Variants in CFTR observed in about 807,000 individuals in gnomAD.
The protein encoded by CFTR is cystic fibrosis transmembrane conductance regulator.
CFTR carries 181 observed loss-of-function variants against 171.6 expected under a neutral mutation model. That is an observed-to-expected ratio of 1.05 (90% CI 0.93 to 1.19). CFTR has a LOEUF of 1.19. CFTR is among the 50% of genes most tolerant of loss of function. CFTR has a pLI of 0.00. For missense variants in CFTR, 1,968 were observed against 1,734.7 expected (o/e 1.13, Z -2.39); for synonymous variants, 583 against 608.0 (o/e 0.96, Z 0.60).
chr7:117,601,085 C>G (rs1164403106), intron 15 of CFTR, among the ~76,000 whole-genome samples: 1 of 151,934 alleles, frequency 6.6e-6, no homozygotes, highest in Non-Finnish European at 1.5e-5. Context: ...TACTCACCTT[C>G]AAAGAATGTT....
At chr7:117,589,361 T>A (rs138368177) in intron 12 of CFTR, among the ~76,000 whole-genome samples, 12 of 152,154 alleles carry the variant, frequency 7.9e-5, no homozygotes, top group Admixed American at 5.2e-4. Flanking sequence ...AAAAAATTTT[T>A]AAATTGGCTT....
chr7:117,643,465 TG>T (rs1464144918), intron 23 of CFTR, among the ~76,000 whole-genome samples: 5 of 152,128 alleles, frequency 3.3e-5, no homozygotes, highest in Admixed American at 1.3e-4. Context: ...AAAAAAAGCT[TG>T]TATTTCTTAA....
chr7:117,588,109 T>C (rs570673631), intron 12 of CFTR, among the ~76,000 whole-genome samples: 3 of 152,188 alleles, frequency 2.0e-5, no homozygotes, highest in Non-Finnish European at 2.9e-5. Context: ...AATGGAAAAC[T>C]CTAGGATTCT....
At chr7:117,608,107 G>T (rs1391484296) in intron 18 of CFTR, among the ~76,000 whole-genome samples, 3 of 152,066 alleles carry the variant, frequency 2.0e-5, no homozygotes, top group Non-Finnish European at 4.4e-5. Context: ...TCCTCTGGAA[G>T]GGTTAATTTT....
Position 117,504,237 on chromosome 7 carries a change from C to G in CFTR, c.54-16C>G, listed in dbSNP as rs1257994416. Reference sequence around the variant, plus strand: ...CCAAATCAAGTGAATATCTGTTCCTCCTCTCTTTATTTTAGCTGGACCAGA... The same window carrying G: ...CCAAATCAAGTGAATATCTGTTCCTGCTCTCTTTATTTTAGCTGGACCAGA... On this transcript the variant is annotated splice_polypyrimidine_tract_variant and intron_variant, in intron 1 of 26. Transcript: ENST00000003084. 6.9e-7 allele frequency: 1 copy of G among 1,449,430 alleles called. No individual in the cohort carries two copies. Among genetic ancestry groups the G allele is most frequent in the East Asian group, 2.3e-5 (1 of 44,020 alleles). The allele number at this position is 1,449,430 out of a possible 1,614,324, so 89.8% of individuals were successfully genotyped here.
At chr7:117,581,104 G>A (rs1247530883) in intron 11 of CFTR, among the ~76,000 whole-genome samples, 1 of 152,068 alleles carries the variant, frequency 6.6e-6, no homozygotes, top group African/African-American at 2.4e-5. Flanking sequence ...AAATTAATTG[G>A]TCATCTCTAG....
intron 4 of CFTR, 76 bp downstream of exon 4, chr7:117,531,190 T>C (rs1798860284): frequency 9.6e-6 from 11 of 1,146,852 alleles, no homozygotes; most frequent in Non-Finnish European, 1.4e-5. Context: ...AATTAGGTAG[T>C]GAGCTGGTAC....
intron 23 of CFTR, among the ~76,000 whole-genome samples, chr7:117,650,539 A>G (rs1230304727): frequency 6.6e-6 from 1 of 152,000 alleles, no homozygotes; most frequent in Non-Finnish European, 1.5e-5. Flanking sequence ...GCCTTTCATA[A>G]CTCTGTGTCA....
At chr7:117,572,063 A>G (rs1212542739) in intron 11 of CFTR, among the ~76,000 whole-genome samples, 1 of 152,002 alleles carries the variant, frequency 6.6e-6, no homozygotes, top group Non-Finnish European at 1.5e-5. Context: ...GTGCAGTGGC[A>G]TGATCTTGGC....
At chr7:117,564,508 A>T (rs945434031) in intron 11 of CFTR, 1 of 157,946 alleles carries the variant, frequency 6.3e-6, no homozygotes, top group African/African-American at 2.4e-5. Context: ...AGAACTTGAA[A>T]TACCTACAGA....
intron 1 of CFTR, among the ~76,000 whole-genome samples, chr7:117,496,608 C>G (rs1798244576): frequency 6.6e-6 from 1 of 152,154 alleles, no homozygotes; most frequent in Admixed American, 6.5e-5. Context: ...TAATTCTTGT[C>G]TATTATAAAT....
intron 24 of CFTR, among the ~76,000 whole-genome samples, chr7:117,663,509 TAA>T (rs71148372): frequency 0.019 from 2,387 of 124,344 alleles, 26 homozygotes; most frequent in Non-Finnish European, 0.027. Flanking sequence ...CTTGTCCAGC[TAA>T]AAAAAAAAAA....
intron 3 of CFTR, among the ~76,000 whole-genome samples, chr7:117,512,100 G>A: frequency 6.6e-6 from 1 of 152,062 alleles, no homozygotes; most frequent in Non-Finnish European, 1.5e-5. Context: ...GATAGTTGTG[G>A]CATAAAAATA....
At chr7:117,586,075 G>C (rs573063854) in intron 11 of CFTR, 1 of 152,196 alleles carries the variant, frequency 6.6e-6, no homozygotes, top group Non-Finnish European at 1.5e-5. Flanking sequence ...AGGAGCACTT[G>C]CATGAACACC....
At position 117,480,093 on chromosome 7, in the gene CFTR, C is replaced by G. The variant is rs770363945; in HGVS notation, c.-2C>G. Reference sequence around the variant, plus strand: ...AGCAGGGACCCCAGCGCCCGAGAGACCATGCAGAGGTCGCCTCTGGAAAAG... The same window carrying G: ...AGCAGGGACCCCAGCGCCCGAGAGAGCATGCAGAGGTCGCCTCTGGAAAAG... On this transcript the variant is annotated 5_prime_UTR_variant, in exon 1 of 27. Coordinates refer to ENST00000003084, the MANE Select transcript of CFTR (RefSeq NM_000492.4). 1 of 1,613,802 alleles carries G rather than the reference C, an allele frequency of 6.2e-7. No homozygotes were observed. The highest frequency in any genetic ancestry group is 8.5e-7 in the Non-Finnish European group (1 of 1,179,914).
Position 117,557,538 on chromosome 7 carries a change from T to G in CFTR, c.1393-1926T>G, listed in dbSNP as rs1799380305. On this transcript the variant is annotated intron_variant, in intron 10 of 26. Transcript: ENST00000003084. ...TCTCCCTGTTATTCCTTATAGGTTC[T>G]GTAATTTTTGCTTCAAGAATATTGC... is the stretch of plus-strand genomic sequence containing the variant. 2.1e-5 allele frequency among the ~76,000 whole-genome samples: 3 copies of G among 142,926 alleles called. No homozygotes were observed. In the Admixed American group the frequency reaches 2.2e-4, roughly 10 times the overall value. 93.8% of individuals were successfully genotyped at this position (142,926 alleles called of 152,430 possible). A position where few individuals can be genotyped will look rare whatever the true frequency, so the allele number is the denominator to read the frequency against.
At chr7:117,637,882 A>T (rs1322343077) in intron 22 of CFTR, among the ~76,000 whole-genome samples, 2 of 152,050 alleles carry the variant, frequency 1.3e-5, no homozygotes, top group Non-Finnish European at 2.9e-5. Flanking sequence ...GTCTCAAAAA[A>T]AAAAGAATGC....
chr7:117,500,121 A>T (rs565672207), intron 1 of CFTR, among the ~76,000 whole-genome samples: 3 of 152,124 alleles, frequency 2.0e-5, no homozygotes, highest in Non-Finnish European at 4.4e-5. Context: ...GGTTTAATAT[A>T]CTCAGGGTTT....
chr7:117,610,711 A>T lies in CFTR; in HGVS notation c.3139+42A>T, dbSNP rs28517401. 0.012 allele frequency: 18,997 copies of T among 1,604,986 alleles called. 500 individuals are homozygous for T. The highest frequency in any genetic ancestry group is 0.1 in the African/African-American group (7,678 of 74,774). ...GCGATACTCATCTTGTAAAAAAGCT[A>T]TAAGAGCTATTTGAGATTCTTTATT... On this transcript the variant is annotated intron_variant, in intron 19 of 26. Transcript: ENST00000003084.
Sources: gnomAD v4.1 joint callset for allele counts (sites outside exome capture counted in the v4.1 genomes callset) on GRCh38, gnomAD v4.1.1 for gene constraint, MANE v1.5 for transcripts, NCBI Gene and HGNC (gene_info 2026-07-23, HGNC 2026-07-21) for gene names.